Variants in CREB5 observed in about 807,000 individuals in gnomAD.
CREB5 encodes the protein cyclic AMP-responsive element-binding protein 5.
Under a neutral mutation model 57.1 loss-of-function variants are expected in CREB5, and 19 were observed. The observed-to-expected ratio is 0.33, with a 90% CI of 0.23 to 0.49. CREB5 has a LOEUF of 0.49. CREB5 is among the 20% of genes least tolerant of loss of function. The pLI is 0.99. For synonymous variants in CREB5, 238 were observed against 238.3 expected (o/e 1.00, Z 0.01); for missense variants, 579 against 671.6 (o/e 0.86, Z 1.52).
At chr7:28,531,977 T>C (rs1470365876) in intron 4 of CREB5, among the ~76,000 whole-genome samples, 2 of 152,160 alleles carry the variant, frequency 1.3e-5, no homozygotes, top group East Asian at 1.9e-4. Context: ...TGCAGTGAGC[T>C]GAGATTGTGC....
chr7:28,686,703 G>A (rs1311558701), intron 5 of CREB5, among the ~76,000 whole-genome samples: 3 of 152,168 alleles, frequency 2.0e-5, no homozygotes, highest in African/African-American at 4.8e-5. Context: ...GAGGGGGTCA[G>A]GGTTGCAAAG....
At position 28,444,971 on chromosome 7, in the gene CREB5, G is replaced by T. The variant is rs190648497; in HGVS notation, c.3+32054G>T. Among the ~76,000 whole-genome samples, 378 of 152,296 alleles carry T rather than the reference G, an allele frequency of 2.5e-3. 1 individual carries two copies. Among genetic ancestry groups the T allele is most frequent in the African/African-American group, 8.7e-3 (360 of 41,564 alleles). ...CCCCACCCAAATCTCATCTTGAGTT[G>T]TAGCTCCCATAATCCCCATATGTGG... On this transcript the variant is annotated intron_variant, in intron 1 of 10. Transcript: ENST00000357727.
intron 1 of CREB5, among the ~76,000 whole-genome samples, chr7:28,426,343 T>A (rs2128013486): frequency 6.6e-6 from 1 of 152,332 alleles, no homozygotes; most frequent in East Asian, 1.9e-4. Flanking sequence ...TCATACTCTG[T>A]CCATTCTAGC....
rs116006780 is a variant in CREB5 at position 28,435,759 on chromosome 7, T to C, written c.3+22842T>C. The C allele has an allele frequency of 3.4e-3, 2,513 of 737,740 alleles. 50 individuals are homozygous for C. The African/African-American group carries it at 0.045, about 13-fold the overall frequency. The allele number at this position is 737,740 out of a possible 1,614,324, so 45.7% of individuals were successfully genotyped here. A position where few individuals can be genotyped will look rare whatever the true frequency, so the allele number is the denominator to read the frequency against. On this transcript the variant is annotated intron_variant, in intron 1 of 10. Coordinates refer to ENST00000357727, the MANE Select transcript of CREB5 (RefSeq NM_182898.4). Reference sequence around the variant, plus strand: ...CACTCAGATGTAAATTACATTTGGCTGGAAGAAGATGCTCTGGTATGAAAC... The same window carrying C: ...CACTCAGATGTAAATTACATTTGGCCGGAAGAAGATGCTCTGGTATGAAAC...
chr7:28,580,641 C>T (rs1796091212), intron 5 of CREB5, among the ~76,000 whole-genome samples: 1 of 150,716 alleles, frequency 6.6e-6, no homozygotes, highest in South Asian at 2.1e-4. Context: ...GAAACTTTGG[C>T]TACCCCACCT....
chr7:28,677,374 G>A (rs1305134116), intron 5 of CREB5, among the ~76,000 whole-genome samples: 4 of 151,974 alleles, frequency 2.6e-5, no homozygotes, highest in Admixed American at 2.0e-4. Flanking sequence ...GTAATACCTG[G>A]AGACCTACGT....
chr7:28,437,962 G>T (rs1166290172), intron 1 of CREB5, among the ~76,000 whole-genome samples: 1 of 152,114 alleles, frequency 6.6e-6, no homozygotes, highest in Non-Finnish European at 1.5e-5. Context: ...ACAAACACCA[G>T]TCATTTATCC....
At chr7:28,481,129 C>G (rs980380689) in intron 1 of CREB5, among the ~76,000 whole-genome samples, 1 of 152,186 alleles carries the variant, frequency 6.6e-6, no homozygotes, top group African/African-American at 2.4e-5. Flanking sequence ...CCTGTTACGG[C>G]CCCCTCTGGG....
chr7:28,387,939 T>C (rs1236059051), intron 1 of CREB5, among the ~76,000 whole-genome samples: 1 of 152,248 alleles, frequency 6.6e-6, no homozygotes, highest in East Asian at 1.9e-4. Context: ...TTCTGCATCA[T>C]CCATTTCAAT....
At chr7:28,579,912 T>G (rs955908014) in intron 5 of CREB5, among the ~76,000 whole-genome samples, 1 of 152,192 alleles carries the variant, frequency 6.6e-6, no homozygotes, top group South Asian at 2.1e-4. Context: ...GGATCTCTGC[T>G]TAGCAAGTCA....
rs1472432234 is a variant in CREB5 at position 28,522,782 on chromosome 7, G to T, written c.291+15045G>T. 2.0e-5 allele frequency among the ~76,000 whole-genome samples: 3 copies of T among 152,210 alleles called. No individual in the cohort carries two copies. The East Asian group carries it at 5.8e-4, about 29-fold the overall frequency. Reference sequence around the variant, plus strand: ...GATTTGCCCACATTCTGCAGATGTGGCTAGAGACAGCGTGGCTGGCCCTGA... The same window carrying T: ...GATTTGCCCACATTCTGCAGATGTGTCTAGAGACAGCGTGGCTGGCCCTGA... On this transcript the variant is annotated intron_variant, in intron 4 of 10. Coordinates refer to ENST00000357727, the MANE Select transcript of CREB5 (RefSeq NM_182898.4).
At chr7:28,498,379 A>G (rs1364283283) in intron 3 of CREB5, among the ~76,000 whole-genome samples, 1 of 152,244 alleles carries the variant, frequency 6.6e-6, no homozygotes, top group Admixed American at 6.5e-5. Flanking sequence ...TATTTGTATG[A>G]CAAACTTCAG....
At chr7:28,537,692 A>G (rs926003035) in intron 4 of CREB5, among the ~76,000 whole-genome samples, 2 of 152,244 alleles carry the variant, frequency 1.3e-5, no homozygotes, top group Non-Finnish European at 1.5e-5. Flanking sequence ...CAAAATTCAT[A>G]ACCGATTTGT....
chr7:28,742,187 G>A (rs1804397039), intron 7 of CREB5, among the ~76,000 whole-genome samples: 1 of 151,972 alleles, frequency 6.6e-6, no homozygotes, highest in South Asian at 2.1e-4. Flanking sequence ...GGGAGTGATG[G>A]AAATGACCTA....
intron 1 of CREB5, among the ~76,000 whole-genome samples, chr7:28,384,129 A>C (rs1387885181): frequency 6.6e-6 from 1 of 152,150 alleles, no homozygotes; most frequent in Non-Finnish European, 1.5e-5. Flanking sequence ...ATATCGTTTA[A>C]GGTTAGCAGC....
chr7:28,724,100 A>G (rs1803196825), intron 6 of CREB5, 122 bp from the exon 7 acceptor site: 3 of 772,366 alleles, frequency 3.9e-6, no homozygotes, highest in Non-Finnish European at 6.1e-6. Flanking sequence ...ACCAAACCAT[A>G]GGCCTTCTCA....
chr7:28,552,412 A>G (rs1794710457), intron 4 of CREB5, among the ~76,000 whole-genome samples: 2 of 152,124 alleles, frequency 1.3e-5, no homozygotes, highest in African/African-American at 4.8e-5. Context: ...CCATCCCGAG[A>G]CTATGGAGAC....
intron 7 of CREB5, among the ~76,000 whole-genome samples, chr7:28,726,051 G>C (rs1803317176): frequency 6.6e-6 from 1 of 152,192 alleles, no homozygotes; most frequent in Non-Finnish European, 1.5e-5. Flanking sequence ...TTTGGCAAAT[G>C]AATAGTGAAT....
chr7:28,583,965 A>C (rs1433819430), intron 5 of CREB5, among the ~76,000 whole-genome samples: 3 of 152,006 alleles, frequency 2.0e-5, no homozygotes, highest in Non-Finnish European at 4.4e-5. Context: ...GGAGTGAGCC[A>C]CCGCGCTGGG....
Sources: allele counts gnomAD v4.1 joint callset (sites outside exome capture counted in the v4.1 genomes callset), GRCh38; gene constraint gnomAD v4.1.1; transcripts MANE v1.5; gene names NCBI Gene and HGNC (gene_info 2026-07-23, HGNC 2026-07-21).